The following BCAS3 variants were observed in gnomAD, a reference collection of about 807,000 sequenced individuals.
BCAS3 encodes the protein BCAS4/BCAS3 fusion.
A neutral mutation model predicts 116.1 loss-of-function variants in BCAS3; 53 were observed. That is an observed-to-expected ratio of 0.46 (90% confidence interval 0.37 to 0.57). The LOEUF is 0.57. Among genes scored for constraint, BCAS3 ranks in the 20% least tolerant of loss-of-function variants. BCAS3 has a pLI of 0.00. For missense variants in BCAS3, 917 were observed against 1,165.4 expected (o/e 0.79, Z 3.10); for synonymous variants, 391 against 408.2 (o/e 0.96, Z 0.51).
chr17:61,236,293 T>G (rs150043642), intron 22 of BCAS3, among the ~76,000 whole-genome samples: 1 of 152,186 alleles, frequency 6.6e-6, no homozygotes, highest in African/African-American at 2.4e-5. Flanking sequence ...ATGTTGGAGA[T>G]AATAATTTTT....
intron 22 of BCAS3, among the ~76,000 whole-genome samples, chr17:61,329,805 C>CTT (rs1190218027): frequency 8.1e-6 from 1 of 122,804 alleles, no homozygotes; most frequent in Non-Finnish European, 1.9e-5. Flanking sequence ...CTCCTCCAAG[C>CTT]TTACCTGCAG....
chr17:61,070,220 A>C, intron 19 of BCAS3: 2 of 1,555,596 alleles, frequency 1.3e-6, no homozygotes, highest in Middle Eastern at 2.2e-4. Flanking sequence ...AAGAAGCTCT[A>C]TGACATTGAT....
At chr17:60,678,156 GAGGGTCGTCCCCAGGAGAC>G (rs1423319340) in intron 1 of BCAS3, among the ~76,000 whole-genome samples, 1 of 152,172 alleles carries the variant, frequency 6.6e-6, no homozygotes, top group African/African-American at 2.4e-5. Context: ...AGTGGCTGGC[GAGGGTCGTCCCCAGGAGAC>G]AGGGCCCTTA....
chr17:61,385,432 G>A (rs544268373), intron 23 of BCAS3, among the ~76,000 whole-genome samples: 69 of 152,312 alleles, frequency 4.5e-4, no homozygotes, highest in African/African-American at 1.6e-3. Context: ...GACCCCATAT[G>A]GTTCATTTGC....
At chr17:61,168,956 G>C (rs531018433) in intron 22 of BCAS3, among the ~76,000 whole-genome samples, 1 of 152,092 alleles carries the variant, frequency 6.6e-6, no homozygotes, top group Non-Finnish European at 1.5e-5. Flanking sequence ...CACCTCTCAA[G>C]GTATAAGTGT....
In BCAS3 at chr17:61,203,188, A is replaced by G. The variant is rs1227555156; in HGVS notation, c.2425+118624A>G. The stretch of plus-strand genomic sequence containing the variant: ...TTCTTCTTTTTTTCGAGACAGTTTC[A>G]CTCTTGTCACTCAGGCTGGAGTACA... On this transcript the variant is annotated intron_variant, in intron 22 of 23. Coordinates refer to ENST00000407086, the MANE Select transcript of BCAS3 (RefSeq NM_017679.5). This position sits in a 1 kb window ranked among gnomAD's most constrained non-coding sequence, Gnocchi z 5.7. 6.6e-5 allele frequency among the ~76,000 whole-genome samples: 10 copies of G among 151,630 alleles called. No homozygotes were observed. Among genetic ancestry groups the G allele is most frequent in the Admixed American group, 6.6e-5 (1 of 15,214 alleles).
chr17:61,368,555 G>A lies in BCAS3; in HGVS notation c.2593+61G>A. 6.7e-7 allele frequency: 1 copy of A among 1,500,462 alleles called. No individual in the cohort carries two copies. The highest frequency in any genetic ancestry group is 9.0e-7 in the Non-Finnish European group (1 of 1,111,474). The allele number at this position is 1,500,462 out of a possible 1,614,324, so 92.9% of individuals were successfully genotyped here. On this transcript the variant is annotated intron_variant, in intron 23 of 23. Transcript: ENST00000407086. The surrounding 1 kb of genome is among the most constrained non-coding windows in gnomAD (Gnocchi z 6.0). The stretch of plus-strand genomic sequence containing the variant: ...CAGGACCAGCACCTGTTGGTGCAGA[G>A]CTTCTCTGGAATCGTTTGTGGGCAT...
intron 7 of BCAS3, among the ~76,000 whole-genome samples, chr17:60,827,823 T>C (rs1200523718): frequency 6.6e-6 from 1 of 152,172 alleles, no homozygotes. Flanking sequence ...TAATGAGGTT[T>C]TTTTGGGAAA....
In BCAS3 at chr17:60,947,293, T is replaced by G; in HGVS notation, c.1162T>G (p.Ser388Ala). The G allele has an allele frequency of 1.2e-6, 2 of 1,613,038 alleles. No individual in the cohort carries two copies. The highest frequency in any genetic ancestry group is 1.7e-6 in the Non-Finnish European group (2 of 1,179,010). ...VFQILTHPWS[S>A]SQCAVHHLYT... ...CCAAATTCTGACTCATCCTTGGTCCTCATCACAATGTGCTGTCCACCATCT... is the reference window on the plus strand; with the variant it reads ...CCAAATTCTGACTCATCCTTGGTCCGCATCACAATGTGCTGTCCACCATCT... Residue 388 changes from serine to alanine, a missense_variant, in exon 14 of 24, where the codon TCA (serine) becomes GCA (alanine). Ser to Ala is a moderately conservative substitution (Grantham distance 99). Coordinates refer to ENST00000407086, the MANE Select transcript of BCAS3 (RefSeq NM_017679.5).
chr17:61,078,902 A>T (rs757803394), intron 21 of BCAS3, among the ~76,000 whole-genome samples: 4 of 152,180 alleles, frequency 2.6e-5, no homozygotes, highest in Non-Finnish European at 4.4e-5. Flanking sequence ...TGTGATTTTT[A>T]TCTAATCCTG....
At chr17:61,183,613 T>A (rs1392631722) in intron 22 of BCAS3, among the ~76,000 whole-genome samples, 1 of 152,202 alleles carries the variant, frequency 6.6e-6, no homozygotes, top group African/African-American at 2.4e-5. Flanking sequence ...AATGTTATAG[T>A]GCAGTTTGCT....
chr17:61,186,510 G>A lies in BCAS3; in HGVS notation c.2425+101946G>A, dbSNP rs1448393507. 2.0e-5 allele frequency among the ~76,000 whole-genome samples: 3 copies of A among 152,052 alleles called. No homozygotes were observed. Among genetic ancestry groups the A allele is most frequent in the Non-Finnish European group, 1.5e-5 (1 of 68,004 alleles). ...CTTCCACTTTTTCATACTTGAATAT[G>A]TTTTTTCCTGCTTTCTAAATATGGT... On this transcript the variant is annotated intron_variant, in intron 22 of 23. Transcript: ENST00000407086. The surrounding 1 kb of genome is among the most constrained non-coding windows in gnomAD (Gnocchi z 4.9).
In BCAS3 at chr17:61,073,034, A is replaced by G. The variant is rs1354074148; in HGVS notation, c.2030-1886A>G. ...CTTGTTCTCTTCTGTATTAAGAATT[A>G]ATATAGAATTTAGTGGTGGGAAGAT... On this transcript the variant is annotated intron_variant, in intron 19 of 23. Coordinates refer to ENST00000407086, the MANE Select transcript of BCAS3 (RefSeq NM_017679.5). This position sits in a 1 kb window ranked among gnomAD's most constrained non-coding sequence, Gnocchi z 4.6. Among the ~76,000 whole-genome samples the G allele has an allele frequency of 6.6e-6, 1 of 152,234 alleles. No individual in the cohort carries two copies. The highest frequency in any genetic ancestry group is 2.4e-5 in the African/African-American group (1 of 41,450).
chr17:61,314,726 A>G (rs1162045536), intron 22 of BCAS3, among the ~76,000 whole-genome samples: 2 of 152,196 alleles, frequency 1.3e-5, no homozygotes, highest in African/African-American at 4.8e-5. Context: ...GTAAATCAAA[A>G]CACAGGTCTT....
At chr17:60,771,756 A>G (rs959164342) in intron 6 of BCAS3, among the ~76,000 whole-genome samples, 2 of 152,048 alleles carry the variant, frequency 1.3e-5, no homozygotes, top group Admixed American at 6.5e-5. Context: ...CCTGTGTCCA[A>G]GTGTTCTCAT....
intron 22 of BCAS3, among the ~76,000 whole-genome samples, chr17:61,094,793 A>G (rs930140525): frequency 6.6e-6 from 1 of 152,184 alleles, no homozygotes; most frequent in African/African-American, 2.4e-5. Flanking sequence ...GCAGTGAGCC[A>G]AGATCGTGCC....
intron 23 of BCAS3, chr17:61,383,584 G>C (rs1254367990): frequency 6.6e-6 from 1 of 152,410 alleles, no homozygotes; most frequent in Non-Finnish European, 1.5e-5. Context: ...GGGTGGGGGA[G>C]ATCCGTGTAT....
chr17:60,688,651 C>A (rs531686220), intron 3 of BCAS3, among the ~76,000 whole-genome samples: 137 of 152,012 alleles, frequency 9.0e-4, no homozygotes, highest in Non-Finnish European at 1.8e-3. Flanking sequence ...CCCGTCTCCA[C>A]CAAAAAGACA....
intron 7 of BCAS3, among the ~76,000 whole-genome samples, chr17:60,830,943 C>T (rs1390881292): frequency 2.0e-5 from 3 of 151,384 alleles, no homozygotes; most frequent in Admixed American, 6.6e-5. Flanking sequence ...ACAGTCTTGG[C>T]TCACTGCAAC....
Sources: allele counts gnomAD v4.1 joint callset (sites outside exome capture counted in the v4.1 genomes callset), GRCh38; gene constraint gnomAD v4.1.1; non-coding constraint Gnocchi (gnomAD v3.1); transcripts MANE v1.5; gene names NCBI Gene and HGNC (gene_info 2026-07-23, HGNC 2026-07-21).